The following RIMS1 variants were observed in gnomAD, a reference collection of about 807,000 sequenced individuals.
RIMS1 encodes regulating synaptic membrane exocytosis protein 1.
A neutral mutation model predicts 214.1 loss-of-function variants in RIMS1; 83 were observed. The ratio of observed to expected loss-of-function variants is 0.39; its 90% CI spans 0.32 to 0.47. The LOEUF is 0.47. RIMS1 is among the 20% of genes least tolerant of loss of function. The pLI is 0.99. For synonymous variants in RIMS1, 793 were observed against 786.8 expected, an observed-to-expected ratio of 1.01 and a Z score of -0.13; for missense variants, 2,050 against 2,161.8, an observed-to-expected ratio of 0.95 and a Z score of 1.03.
intron 28 of RIMS1, among the ~76,000 whole-genome samples, chr6:72,325,507 T>C (rs1219418584): frequency 6.6e-6 from 1 of 151,292 alleles, no homozygotes; most frequent in African/African-American, 2.4e-5. Flanking sequence ...TCACTGGGTA[T>C]AAGGTTAACG....
intron 2 of RIMS1, among the ~76,000 whole-genome samples, chr6:72,079,926 T>C (rs1398170138): frequency 4.1e-5 from 6 of 147,498 alleles, no homozygotes; most frequent in Non-Finnish European, 9.0e-5. Context: ...AAATGCAACC[T>C]GACAATCGTT....
chr6:72,299,208 T>C (rs532547575), intron 26 of RIMS1, among the ~76,000 whole-genome samples: 9 of 152,050 alleles, frequency 5.9e-5, no homozygotes, highest in Admixed American at 5.3e-4. Flanking sequence ...GTAATAAATT[T>C]ATGATTTATA....
At chr6:72,192,463 T>C (rs1024118569) in intron 6 of RIMS1, among the ~76,000 whole-genome samples, 3 of 152,220 alleles carry the variant, frequency 2.0e-5, no homozygotes, top group Admixed American at 2.0e-4. Flanking sequence ...GTCTGTAAAC[T>C]GTCTCAGGTC....
intron 4 of RIMS1, among the ~76,000 whole-genome samples, chr6:72,110,911 A>C (rs2035946564): frequency 6.6e-6 from 1 of 152,124 alleles, no homozygotes; most frequent in Non-Finnish European, 1.5e-5. Context: ...AGTGAAGAGT[A>C]AAAGTTGTGA....
At chr6:72,195,873 G>C (rs1346141671) in intron 6 of RIMS1, among the ~76,000 whole-genome samples, 2 of 152,088 alleles carry the variant, frequency 1.3e-5, no homozygotes, top group East Asian at 3.9e-4. Context: ...ATGATGGAAG[G>C]GGAAGAGGCA....
intron 6 of RIMS1, among the ~76,000 whole-genome samples, chr6:72,232,470 T>A (rs985134798): frequency 1.3e-5 from 2 of 151,632 alleles, no homozygotes; most frequent in Non-Finnish European, 1.5e-5. Context: ...GGTGGCCCAG[T>A]AGGAGTATAG....
At chr6:72,047,040 A>G (rs1263581579) in intron 2 of RIMS1, among the ~76,000 whole-genome samples, 1 of 152,180 alleles carries the variant, frequency 6.6e-6, no homozygotes, top group Admixed American at 6.6e-5. Flanking sequence ...TTGACCAAAA[A>G]AAGTCTGTTT....
At chr6:72,116,943 G>A (rs1393421348) in intron 4 of RIMS1, among the ~76,000 whole-genome samples, 1 of 151,886 alleles carries the variant, frequency 6.6e-6, no homozygotes, top group African/African-American at 2.4e-5. Context: ...ATAAATTCGT[G>A]TGTTTTTATT....
chr6:72,382,854 A>C (rs565622948), intron 29 of RIMS1, among the ~76,000 whole-genome samples: 2 of 152,344 alleles, frequency 1.3e-5, no homozygotes, highest in East Asian at 3.9e-4. Context: ...ACACAGAGTT[A>C]AAATTTCCTG....
intron 6 of RIMS1, among the ~76,000 whole-genome samples, chr6:72,187,182 T>TGAAG (rs753688596): frequency 1.3e-5 from 2 of 151,128 alleles, no homozygotes; most frequent in Non-Finnish European, 3.0e-5. Context: ...AAGAGAGGAA[T>TGAAG]GAAGGAAGGA....
At position 72,179,865 on chromosome 6, in the gene RIMS1, T is replaced by C. The variant is rs2048184571; in HGVS notation, c.762T>C (p.Pro254=). 6.3e-7 allele frequency: 1 copy of C among 1,590,248 alleles called. No homozygotes were observed. The highest frequency in any genetic ancestry group is 1.3e-5 in the African/African-American group (1 of 74,096). ...GAEPSQQALG[P]EQKQASSRSR... ...AGCCCTCGCAGCAAGCCTTGGGGCC[T>C]GAACAGAAGCAGGCTTCATCCAGGT... is the stretch of plus-strand genomic sequence containing the variant. Residue 254 remains proline, a synonymous_variant, in exon 5 of 34, where the codon CCT becomes CCC. Transcript: ENST00000521978.
At position 72,138,169 on chromosome 6, in the gene RIMS1, T is replaced by G. The variant is rs182861139; in HGVS notation, c.471+38183T>G. ...ACTTGTAGGGATATCTATGATACAT[T>G]TTTATCTAAAAAAGCAAGTTGCTAG... On this transcript the variant is annotated intron_variant, in intron 4 of 33. Coordinates refer to ENST00000521978, the MANE Select transcript of RIMS1 (RefSeq NM_014989.7). 2.1e-3 allele frequency among the ~76,000 whole-genome samples: 320 copies of G among 152,294 alleles called. 3 individuals are homozygous for G. The highest frequency in any genetic ancestry group is 6.9e-3 in the African/African-American group (286 of 41,568).
chr6:72,278,195 CTATA>C (rs915556631), intron 23 of RIMS1, among the ~76,000 whole-genome samples: 30 of 149,640 alleles, frequency 2.0e-4, no homozygotes, highest in African/African-American at 6.6e-4. Flanking sequence ...ATCTATCTAT[CTATA>C]TATGATTTTT....
chr6:72,046,993 A>G (rs1200575969), intron 2 of RIMS1, among the ~76,000 whole-genome samples: 1 of 152,142 alleles, frequency 6.6e-6, no homozygotes, highest in Non-Finnish European at 1.5e-5. Flanking sequence ...AAATTACTCA[A>G]ATACCTTTTT....
At chr6:72,247,442 G>A (rs1315121579) in intron 11 of RIMS1, among the ~76,000 whole-genome samples, 1 of 148,152 alleles carries the variant, frequency 6.7e-6, no homozygotes, top group Non-Finnish European at 1.5e-5. Context: ...GGCTGAGGCA[G>A]AAGAATTGCT....
rs946593205 is a variant in RIMS1 at position 72,401,313 on chromosome 6, G to A, written c.*599G>A. 6 of 152,790 alleles carry A rather than the reference G, an allele frequency of 3.9e-5. No individual in the cohort carries two copies. Among genetic ancestry groups the A allele is most frequent in the Non-Finnish European group, 7.3e-5 (5 of 68,256 alleles). The allele number at this position is 152,790 out of a possible 1,614,324, so 9.5% of individuals were successfully genotyped here. The stretch of plus-strand genomic sequence containing the variant: ...AAAAGCACCAAAAAAAAGGGCTGAA[G>A]TAGTCTCTGTAGCATCTCCCCAAAG... On this transcript the variant is annotated 3_prime_UTR_variant, in exon 34 of 34. Coordinates refer to ENST00000521978, the MANE Select transcript of RIMS1 (RefSeq NM_014989.7).
At chr6:72,259,588 T>C (rs1371866673) in intron 18 of RIMS1, among the ~76,000 whole-genome samples, 1 of 148,558 alleles carries the variant, frequency 6.7e-6, no homozygotes, top group African/African-American at 2.5e-5. Flanking sequence ...CTTCTTTTCA[T>C]AAAATCTCTT....
At chr6:71,959,687 A>T (rs1366747024) in intron 1 of RIMS1, among the ~76,000 whole-genome samples, 1 of 151,738 alleles carries the variant, frequency 6.6e-6, no homozygotes, top group South Asian at 2.1e-4. Flanking sequence ...TGGGAAGGGG[A>T]TGTGAATTAA....
intron 6 of RIMS1, among the ~76,000 whole-genome samples, chr6:72,215,165 T>C (rs574379581): frequency 2.1e-4 from 32 of 152,296 alleles, no homozygotes; most frequent in Admixed American, 6.5e-4. Flanking sequence ...AGCAGATCTA[T>C]CTCTAGACCA....
Sources: allele counts gnomAD v4.1 joint callset (sites outside exome capture counted in the v4.1 genomes callset), GRCh38; gene constraint gnomAD v4.1.1; transcripts MANE v1.5; gene names NCBI Gene and HGNC (gene_info 2026-07-23, HGNC 2026-07-21).